MGMT: variants seen among roughly 807,000 people sequenced by gnomAD.
MGMT encodes methylated-DNA--protein-cysteine methyltransferase.
A neutral mutation model predicts 15.9 loss-of-function variants in MGMT; 14 were observed. The observed-to-expected ratio is 0.88, with a 90% CI of 0.58 to 1.37. MGMT has a LOEUF of 1.37. Ranked by LOEUF, MGMT falls within the 40% of genes most tolerant of loss-of-function variation. The probability of loss-of-function intolerance (pLI) is 0.00; values close to 1 mark genes in which losing one functional copy is unlikely to be tolerated. For synonymous variants in MGMT, 130 were observed against 118.2 expected, an observed-to-expected ratio of 1.10 and a Z score of -0.65; for missense variants, 282 against 268.1, an observed-to-expected ratio of 1.05 and a Z score of -0.36.
intron 3 of MGMT, among the ~76,000 whole-genome samples, chr10:129,753,668 A>G (rs1848773943): frequency 6.6e-6 from 1 of 152,078 alleles, no homozygotes; most frequent in Middle Eastern, 3.4e-3. Context: ...ATTATTCTTG[A>G]TAGCTTCTAT....
At chr10:129,619,194 T>C (rs190485611) in intron 2 of MGMT, among the ~76,000 whole-genome samples, 47 of 152,328 alleles carry the variant, frequency 3.1e-4, no homozygotes, top group African/African-American at 9.4e-4. Flanking sequence ...AGGTGCCTTT[T>C]TGCATCTGTT....
intron 2 of MGMT, among the ~76,000 whole-genome samples, chr10:129,616,550 C>T (rs1043169729): frequency 2.6e-5 from 4 of 152,322 alleles, no homozygotes; most frequent in African/African-American, 9.6e-5. Flanking sequence ...GGCCAGGCCC[C>T]TGGATTACCT....
intron 2 of MGMT, among the ~76,000 whole-genome samples, chr10:129,685,993 A>G (rs1847900302): frequency 2.0e-5 from 3 of 152,248 alleles, no homozygotes; most frequent in African/African-American, 2.4e-5. Flanking sequence ...GTTTAAGACA[A>G]TGCCCAGTGG....
chr10:129,570,043 G>T (rs1334003841), intron 2 of MGMT, among the ~76,000 whole-genome samples: 7 of 152,230 alleles, frequency 4.6e-5, no homozygotes, highest in Non-Finnish European at 7.3e-5. Flanking sequence ...CGAAGAGAAA[G>T]TTCCATTTCC....
chr10:129,643,117 C>T (rs1018472765), intron 2 of MGMT, among the ~76,000 whole-genome samples: 4 of 152,020 alleles, frequency 2.6e-5, no homozygotes, highest in East Asian at 1.9e-4. Context: ...AACCAAATGC[C>T]GCTGTCATGT....
At position 129,471,133 on chromosome 10, in the gene MGMT, A is replaced by G. The variant is rs118167535; in HGVS notation, c.-13+3837A>G. On this transcript the variant is annotated intron_variant, in intron 1 of 4. Transcript: ENST00000651593. ...GTGAAAGGAGGTACTTGTTAAATCT[A>G]TGTGTTTTTATTATAGACATCGTTC... Among the ~76,000 whole-genome samples the G allele has an allele frequency of 4.1e-3, 620 of 152,272 alleles. 1 individual carries two copies. The highest frequency in any genetic ancestry group is 8.4e-3 in the Admixed American group (128 of 15,302).
chr10:129,590,379 C>G (rs1846669006), intron 2 of MGMT, among the ~76,000 whole-genome samples: 1 of 152,196 alleles, frequency 6.6e-6, no homozygotes, highest in South Asian at 2.1e-4. Flanking sequence ...GGATTGAATA[C>G]TTATGTTTCG....
chr10:129,484,805 AAAAG>A (rs1237749384), intron 1 of MGMT, among the ~76,000 whole-genome samples: 3 of 152,102 alleles, frequency 2.0e-5, no homozygotes, highest in Non-Finnish European at 4.4e-5. Flanking sequence ...TTTTTTTAAA[AAAAG>A]GTTTTGTTAG....
At position 129,650,044 on chromosome 10, in the gene MGMT, G is replaced by T. The variant is rs144422627; in HGVS notation, c.126-57851G>T. Reference sequence around the variant, plus strand: ...AAGGTCTCACTTGAGAAATATTTTTGATATTATTGAATAATTATTAATTCA... The same window carrying T: ...AAGGTCTCACTTGAGAAATATTTTTTATATTATTGAATAATTATTAATTCA... On this transcript the variant is annotated intron_variant, in intron 2 of 4. Transcript: ENST00000651593. Among the ~76,000 whole-genome samples, 343 of 152,216 alleles carry T rather than the reference G, an allele frequency of 2.3e-3. 1 individual carries two copies. Among genetic ancestry groups the T allele is most frequent in the African/African-American group, 7.9e-3 (326 of 41,526 alleles).
chr10:129,730,213 A>C (rs774686949), intron 3 of MGMT, among the ~76,000 whole-genome samples: 2 of 152,200 alleles, frequency 1.3e-5, no homozygotes, highest in Non-Finnish European at 2.9e-5. Context: ...CCATTGGCGC[A>C]TTGAGCATGA....
chr10:129,535,939 C>T (rs576887863), intron 1 of MGMT, among the ~76,000 whole-genome samples: 2 of 152,304 alleles, frequency 1.3e-5, no homozygotes, highest in Admixed American at 6.5e-5. Flanking sequence ...TTAAAAGGAG[C>T]TCTTACCAGG....
At chr10:129,536,558 CTG>C (rs1845987484) in intron 2 of MGMT, 181 bp downstream of exon 2, 2 of 683,612 alleles carry the variant, frequency 2.9e-6, no homozygotes, top group Non-Finnish European at 4.6e-6. Flanking sequence ...TGCAGCTTCC[CTG>C]TGTGTTGCCC....
rs142899981 is a variant in MGMT at position 129,613,092 on chromosome 10, T to G, written c.125+76715T>G. Among the ~76,000 whole-genome samples the G allele has an allele frequency of 3.3e-3, 510 of 152,342 alleles. 2 individuals are homozygous for G. Among genetic ancestry groups the G allele is most frequent in the Non-Finnish European group, 5.2e-3 (355 of 68,028 alleles). ...TGTTCACTCTGGGATAGGGAAGCCA[T>G]GCTCCAAGCTGTATTGGAATATCAG... On this transcript the variant is annotated intron_variant, in intron 2 of 4. Coordinates refer to ENST00000651593, the MANE Select transcript of MGMT (RefSeq NM_002412.5).
At chr10:129,651,670 G>A (rs552290679) in intron 2 of MGMT, among the ~76,000 whole-genome samples, 26 of 152,168 alleles carry the variant, frequency 1.7e-4, no homozygotes, top group Non-Finnish European at 2.9e-4. Context: ...CATACCGGTC[G>A]TTTGCCTGAG....
rs540976914 is a variant in MGMT, at chr10:129,576,314, G to A, written c.125+39937G>A. Among the ~76,000 whole-genome samples the A allele has an allele frequency of 3.4e-3, 518 of 152,226 alleles. 1 individual carries two copies. Among genetic ancestry groups the A allele is most frequent in the African/African-American group, 0.012 (497 of 41,506 alleles). ...AAATACTGGCAAACCAAATCCAGCA[G>A]CACATCAAAAAGCTTATCCACCATG... On this transcript the variant is annotated intron_variant, in intron 2 of 4. Transcript: ENST00000651593.
At position 129,521,017 on chromosome 10, in the gene MGMT, G is replaced by A. The variant is rs143208446; in HGVS notation, c.-12-15224G>A. ...TGCGCGTACGGGGCCCCTACGGCAC[G>A]CAGGCTTGCCCCGCCACCTGCTGTC... On this transcript the variant is annotated intron_variant, in intron 1 of 4. Coordinates refer to ENST00000651593, the MANE Select transcript of MGMT (RefSeq NM_002412.5). Among the ~76,000 whole-genome samples, 461 of 152,222 alleles carry A rather than the reference G, an allele frequency of 3.0e-3. 4 individuals carry two copies. The highest frequency in any genetic ancestry group is 0.01 in the African/African-American group (430 of 41,532).
chr10:129,529,281 T>G (rs1229578529), intron 1 of MGMT, among the ~76,000 whole-genome samples: 2 of 152,046 alleles, frequency 1.3e-5, no homozygotes, highest in Non-Finnish European at 2.9e-5. Context: ...GTCCCCAATT[T>G]TTTTGGCACC....
intron 2 of MGMT, among the ~76,000 whole-genome samples, chr10:129,686,405 C>T (rs1049011284): frequency 5.9e-5 from 9 of 152,020 alleles, no homozygotes; most frequent in Non-Finnish European, 1.3e-4. Context: ...GACAGAGTCT[C>T]GCTTTGTTGC....
At chr10:129,502,060 T>G (rs965275849) in intron 1 of MGMT, among the ~76,000 whole-genome samples, 2 of 152,244 alleles carry the variant, frequency 1.3e-5, no homozygotes, top group African/African-American at 4.8e-5. Context: ...TCAAGGCCGC[T>G]GCTGGGGCTA....
Sources: allele counts gnomAD v4.1 joint callset (sites outside exome capture counted in the v4.1 genomes callset), GRCh38; gene constraint gnomAD v4.1.1; transcripts MANE v1.5; gene names NCBI Gene and HGNC (gene_info 2026-07-23, HGNC 2026-07-21).